Variants in TRIM55 observed in about 807,000 individuals in gnomAD.
The protein encoded by TRIM55 is tripartite motif containing 55.
TRIM55 carries 50 observed loss-of-function variants against 60.9 expected under a neutral mutation model. The ratio of observed to expected loss-of-function variants is 0.82; its 90% CI spans 0.65 to 1.04. The LOEUF is 1.04. Among genes scored for constraint, TRIM55 ranks in the 50% least tolerant of loss-of-function variants. The pLI is 0.00. For synonymous variants in TRIM55, 237 were observed against 238.1 expected, an observed-to-expected ratio of 1.00 and a Z score of 0.04; for missense variants, 681 against 666.9, an observed-to-expected ratio of 1.02 and a Z score of -0.23.
chr8:66,171,985 T>C (rs887108581), intron 9 of TRIM55, among the ~76,000 whole-genome samples: 1 of 151,806 alleles, frequency 6.6e-6, no homozygotes, highest in Non-Finnish European at 1.5e-5. Flanking sequence ...CTATTGTATA[T>C]GGTTTGTCAT....
At chr8:66,148,116 C>A (rs375971446) in intron 4 of TRIM55, among the ~76,000 whole-genome samples, 2 of 152,134 alleles carry the variant, frequency 1.3e-5, no homozygotes, top group African/African-American at 4.8e-5. Context: ...CTGCTCTCAG[C>A]TATAAAGGTC....
At chr8:66,124,894 C>T (rs146391773), upstream of TRIM55, among the ~76,000 whole-genome samples, 35 of 152,342 alleles carry the variant, frequency 2.3e-4, no homozygotes, top group African/African-American at 7.0e-4. Flanking sequence ...TCTAAGTCAT[C>T]TCTCTGCTCA....
At chr8:66,164,839 G>A (rs948214346) in intron 9 of TRIM55, among the ~76,000 whole-genome samples, 1 of 151,770 alleles carries the variant, frequency 6.6e-6, no homozygotes, top group African/African-American at 2.4e-5. Flanking sequence ...AGATTATAAA[G>A]GTGATCCCAG....
intron 4 of TRIM55, among the ~76,000 whole-genome samples, chr8:66,142,536 C>G (rs763814312): frequency 6.6e-6 from 1 of 152,196 alleles, no homozygotes; most frequent in African/African-American, 2.4e-5. Flanking sequence ...CCCACCTGGC[C>G]CTCAGCCCTT....
intron 9 of TRIM55, among the ~76,000 whole-genome samples, chr8:66,154,883 AGCATGTAC>A: frequency 6.6e-6 from 1 of 152,174 alleles, no homozygotes. Context: ...GTGCTTCCTA[AGCATGTAC>A]TCCTGGGAGT....
At chr8:66,159,878 T>G (rs543562598) in intron 9 of TRIM55, among the ~76,000 whole-genome samples, 2 of 152,352 alleles carry the variant, frequency 1.3e-5, no homozygotes, top group African/African-American at 4.8e-5. Context: ...TGCCCAACTT[T>G]TTATTAAGTT....
chr8:66,154,327 C>T lies in TRIM55; in HGVS notation c.1517C>T (p.Thr506Ile), dbSNP rs907704427. ...AAGGAAACTAGTGCACCTGCAGCTACTTCTCAGGTTAGTGATGATGCACTT... is the reference window on the plus strand; with the variant it reads ...AAGGAAACTAGTGCACCTGCAGCTATTTCTCAGGTTAGTGATGATGCACTT... ...SGKETSAPAA[T>I]SQIGFEAPPL... The change falls in exon 9 of 10, where the codon ACT becomes ATT. Residue 506 changes from threonine to isoleucine, a missense_variant. Coordinates refer to ENST00000315962, the MANE Select transcript of TRIM55 (RefSeq NM_184085.2). 1 of 1,613,988 alleles carries T rather than the reference C, an allele frequency of 6.2e-7. No homozygotes were observed. Among genetic ancestry groups the T allele is most frequent in the Non-Finnish European group, 8.5e-7 (1 of 1,179,910 alleles).
At chr8:66,129,487 T>C (rs1411450254) in intron 2 of TRIM55, among the ~76,000 whole-genome samples, 1 of 152,226 alleles carries the variant, frequency 6.6e-6, no homozygotes, top group Non-Finnish European at 1.5e-5. Context: ...TTATAATTAT[T>C]ATAGCTATTA....
rs74826645 is a variant in TRIM55, at chr8:66,174,850, T to C, written c.*257T>C. The C allele has an allele frequency of 3.0e-5, 8 of 262,804 alleles. No homozygotes were observed. The East Asian group carries it at 9.7e-4, about 32-fold the overall frequency. 16.3% of individuals were successfully genotyped at this position (262,804 alleles called of 1,614,324 possible). On this transcript the variant is annotated 3_prime_UTR_variant, in exon 10 of 10. Transcript: ENST00000315962. ...CAAATCTTCTATTGTGTGGAAAATG[T>C]TGTGAAGGGTGTGTAGGTGTGGTAC...
intron 9 of TRIM55, among the ~76,000 whole-genome samples, chr8:66,162,566 C>G (rs1291652210): frequency 6.6e-6 from 1 of 151,294 alleles, no homozygotes; most frequent in Admixed American, 6.6e-5. Flanking sequence ...CTTTTTCTCT[C>G]TCTTTTGGAG....
chr8:66,160,121 G>A (rs183364862), intron 9 of TRIM55, among the ~76,000 whole-genome samples: 1 of 152,178 alleles, frequency 6.6e-6, no homozygotes, highest in Admixed American at 6.5e-5. Flanking sequence ...TGTACCCAAT[G>A]TGTAGTCTTC....
In TRIM55 at chr8:66,135,096, T is replaced by A. The variant is rs754053827; in HGVS notation, c.448T>A (p.Phe150Ile). ...EVPTCSLCKV[F>I]GAHKDCQVAP... ...ACCCACCTGCTCTCTGTGCAAGGTGTTTGGTGCACACAAAGACTGCCAGGT... is the reference window on the plus strand; with the variant it reads ...ACCCACCTGCTCTCTGTGCAAGGTGATTGGTGCACACAAAGACTGCCAGGT... The change falls in exon 3 of 10, where the codon TTT (phenylalanine) becomes ATT (isoleucine). Residue 150 changes from phenylalanine to isoleucine, a missense_variant. Coordinates refer to ENST00000315962, the MANE Select transcript of TRIM55 (RefSeq NM_184085.2). 2 of 1,614,126 alleles carry A rather than the reference T, an allele frequency of 1.2e-6. No individual in the cohort carries two copies. The highest frequency in any genetic ancestry group is 2.2e-5 in the South Asian group (2 of 91,074).
At chr8:66,164,020 TA>T (rs1313999121) in intron 9 of TRIM55, among the ~76,000 whole-genome samples, 1 of 150,940 alleles carries the variant, frequency 6.6e-6, no homozygotes. Context: ...TTTTTTTTTT[TA>T]AAGCAAAACT....
intron 3 of TRIM55, among the ~76,000 whole-genome samples, chr8:66,135,413 C>G (rs1046561265): frequency 5.3e-5 from 8 of 152,304 alleles, no homozygotes; most frequent in African/African-American, 1.9e-4. Context: ...TGGTGCAGAA[C>G]GGCACGATCC....
chr8:66,161,760 T>TC (rs930633275), intron 9 of TRIM55, among the ~76,000 whole-genome samples: 5 of 151,384 alleles, frequency 3.3e-5, no homozygotes, highest in Non-Finnish European at 7.4e-5. Flanking sequence ...CTAAGGTTTT[T>TC]TTTTTTTTTT....
chr8:66,116,906 A>G, the TRIM55 span, among the ~76,000 whole-genome samples: 1 of 152,250 alleles, frequency 6.6e-6, no homozygotes, highest in East Asian at 1.9e-4. Flanking sequence ...AAAAATTCTC[A>G]ACAAAATTTT....
chr8:66,114,083 C>CCG, the TRIM55 span, among the ~76,000 whole-genome samples: 1 of 18,640 alleles, frequency 5.4e-5, no homozygotes, highest in East Asian at 7.1e-3. Flanking sequence ...AGGAGAGACA[C>CCG]CCCCCCCCCC....
intron 7 of TRIM55, 99 bp from the exon 8 acceptor site, chr8:66,152,278 C>T: frequency 1.4e-6 from 2 of 1,454,194 alleles, no homozygotes; most frequent in South Asian, 2.9e-5. Context: ...AAAAACTCCC[C>T]AGCCTTGACC....
chr8:66,148,686 AG>A (rs982623004), intron 4 of TRIM55, among the ~76,000 whole-genome samples: 1 of 152,188 alleles, frequency 6.6e-6, no homozygotes, highest in Non-Finnish European at 1.5e-5. Context: ...CAGATCATGG[AG>A]GGGTCTTGAA....
Sources: gnomAD v4.1 joint callset for allele counts (sites outside exome capture counted in the v4.1 genomes callset) on GRCh38, gnomAD v4.1.1 for gene constraint, MANE v1.5 for transcripts, NCBI Gene and HGNC (gene_info 2026-07-23, HGNC 2026-07-21) for gene names.